LAMA2: variants seen among roughly 807,000 people sequenced by gnomAD.
LAMA2 encodes the protein laminin subunit alpha 2.
A neutral mutation model predicts 364.8 loss-of-function variants in LAMA2; 269 were observed. That is an observed-to-expected ratio of 0.74 (90% confidence interval 0.67 to 0.82). LAMA2 has a LOEUF of 0.82. Ranked by LOEUF, LAMA2 falls within the 40% of genes least tolerant of loss-of-function variation. LAMA2 has a pLI of 0.00. For synonymous variants in LAMA2, 1,379 were observed against 1,370.6 expected (o/e 1.01, Z -0.14); for missense variants, 3,807 against 3,873.2 (o/e 0.98, Z 0.45).
intron 27 of LAMA2, among the ~76,000 whole-genome samples, chr6:129,319,842 A>G (rs988937468): frequency 6.6e-6 from 1 of 152,144 alleles, no homozygotes; most frequent in Non-Finnish European, 1.5e-5. Context: ...TTATTAAGAA[A>G]GTAATAAGGG....
At chr6:129,372,012 A>G (rs1282611953) in intron 34 of LAMA2, among the ~76,000 whole-genome samples, 15 of 152,046 alleles carry the variant, frequency 9.9e-5, no homozygotes. Context: ...AACAGACTTT[A>G]TTTTTTAGAA....
At chr6:129,307,631 A>G (rs1361101342) in intron 22 of LAMA2, among the ~76,000 whole-genome samples, 1 of 152,126 alleles carries the variant, frequency 6.6e-6, no homozygotes, top group African/African-American at 2.4e-5. Flanking sequence ...ATAATTCAAT[A>G]TCTAAAAACA....
intron 1 of LAMA2, among the ~76,000 whole-genome samples, chr6:129,045,621 G>A (rs1582931393): frequency 6.6e-6 from 1 of 152,278 alleles, no homozygotes; most frequent in East Asian, 1.9e-4. Context: ...CAGAATCAAT[G>A]TTTCTTGTAC....
intron 1 of LAMA2, among the ~76,000 whole-genome samples, chr6:128,972,463 G>A (rs922656399): frequency 1.3e-5 from 2 of 152,178 alleles, no homozygotes; most frequent in African/African-American, 4.8e-5. Flanking sequence ...ATATGAAGAA[G>A]CAATGAACAC....
chr6:129,050,013 G>T lies in LAMA2; in HGVS notation c.208G>T (p.Val70Leu), dbSNP rs1787880910. ...AGGACCTGAAATGTACTGCAAATTG[G>T]TAGAACATGTCCCTGGGCAGCCTGT... ...EKGPEMYCKL[V>L]EHVPGQPVRN... Residue 70 changes from valine to leucine, a missense_variant, in exon 2 of 65, where the codon GTA becomes TTA. Val to Leu is a conservative substitution (Grantham distance 32, BLOSUM62 1). Around this residue, in one of 3 missense-constraint regions of LAMA2, gnomAD observed 394 missense variants for 403.5 expected, o/e 0.98. Coordinates refer to ENST00000421865, the MANE Select transcript of LAMA2 (RefSeq NM_000426.4). The T allele has an allele frequency of 1.2e-6, 2 of 1,614,076 alleles. No individual in the cohort carries two copies. Among genetic ancestry groups the T allele is most frequent in the Non-Finnish European group, 1.7e-6 (2 of 1,179,994 alleles).
At chr6:129,225,052 T>A (rs969741546) in intron 12 of LAMA2, among the ~76,000 whole-genome samples, 1 of 152,208 alleles carries the variant, frequency 6.6e-6, no homozygotes, top group Non-Finnish European at 1.5e-5. Context: ...TCTTCCTTGT[T>A]TAGTATTGGG....
At chr6:129,481,168 T>C in intron 54 of LAMA2, 95 bp from the exon 55 acceptor site, 1 of 925,910 alleles carries the variant, frequency 1.1e-6, no homozygotes, top group South Asian at 1.3e-5. Context: ...TATTTCATAA[T>C]CACATTAATT....
At chr6:129,483,549 A>C (rs1784456094) in intron 55 of LAMA2, among the ~76,000 whole-genome samples, 1 of 152,198 alleles carries the variant, frequency 6.6e-6, no homozygotes, top group South Asian at 2.1e-4. Flanking sequence ...CTCAATATTA[A>C]AAATATGTCA....
In LAMA2 at chr6:129,427,833, A is replaced by T; in HGVS notation, c.5947A>T (p.Lys1983Ter). 1 of 1,612,710 alleles carries T rather than the reference A, an allele frequency of 6.2e-7. No homozygotes were observed. The highest frequency in any genetic ancestry group is 8.5e-7 in the Non-Finnish European group (1 of 1,178,820). Residue 1983 changes from lysine (K) to a stop codon, truncating the protein, a stop_gained, in exon 41 of 65, where the codon AAG becomes TAG. Coordinates refer to ENST00000421865, the MANE Select transcript of LAMA2 (RefSeq NM_000426.4). LOFTEE classifies it high-confidence loss of function. ...KSFRILNEAKKLANDVKENED... is the reference protein window; with the variant it reads ...KSFRILNEAK ...CTTCAGGATTCTTAACGAAGCCAAGAAGTTAGCAAATGATGTAAAAGGTCA... is the reference window on the plus strand; with the variant it reads ...CTTCAGGATTCTTAACGAAGCCAAGTAGTTAGCAAATGATGTAAAAGGTCA...
At chr6:129,119,001 G>A (rs990664744) in intron 4 of LAMA2, among the ~76,000 whole-genome samples, 3 of 152,112 alleles carry the variant, frequency 2.0e-5, no homozygotes, top group Admixed American at 6.6e-5. Flanking sequence ...ATTGTATAAC[G>A]CAATTATATG....
chr6:129,052,252 C>T (rs112372952), intron 2 of LAMA2, among the ~76,000 whole-genome samples: 3,642 of 150,630 alleles, frequency 0.024, 134 homozygotes, highest in African/African-American at 0.085. Flanking sequence ...TCTCTTGCCT[C>T]AGCCTCCCCA....
intron 7 of LAMA2, among the ~76,000 whole-genome samples, chr6:129,149,852 T>C (rs751846212): frequency 2.0e-5 from 3 of 152,148 alleles, no homozygotes; most frequent in Non-Finnish European, 4.4e-5. Flanking sequence ...TTTTGTTAGG[T>C]ATTATAAGTA....
intron 45 of LAMA2, among the ~76,000 whole-genome samples, chr6:129,448,073 A>C (rs1782480666): frequency 6.6e-6 from 1 of 152,204 alleles, no homozygotes. Context: ...AGATTGCATG[A>C]ACTCAGGAGT....
intron 18 of LAMA2, among the ~76,000 whole-genome samples, chr6:129,284,120 C>T (rs1013794802): frequency 4.6e-5 from 7 of 152,052 alleles, no homozygotes; most frequent in African/African-American, 1.7e-4. Flanking sequence ...TAAAAGGCAC[C>T]ATGTGAGCAG....
rs2114697589 is a variant in LAMA2 at position 129,403,830 on chromosome 6, T to C, written c.5736T>C (p.Asp1912=). The C allele has an allele frequency of 6.2e-7, 1 of 1,613,536 alleles. No individual in the cohort carries two copies. The change falls in exon 40 of 65, where the codon GAT becomes GAC. Residue 1912 remains aspartate (D), a synonymous_variant. Coordinates refer to ENST00000421865, the MANE Select transcript of LAMA2 (RefSeq NM_000426.4). Reference sequence around the variant, plus strand: ...TGAATCATCCCACCAGAATCCTTGATGAGGCTAAAAACATCTCCTTCAATG... The same window carrying C: ...TGAATCATCCCACCAGAATCCTTGACGAGGCTAAAAACATCTCCTTCAATG... ...DSSAVLDGIL[D]EAKNISFNAT...
At chr6:129,300,313 CT>C (rs1296858920) in intron 21 of LAMA2, among the ~76,000 whole-genome samples, 1 of 152,128 alleles carries the variant, frequency 6.6e-6, no homozygotes, top group African/African-American at 2.4e-5. Context: ...TTGGTTTTTA[CT>C]GCAGATCGGG....
At chr6:129,149,988 C>T (rs1030507136) in intron 7 of LAMA2, among the ~76,000 whole-genome samples, 3 of 151,990 alleles carry the variant, frequency 2.0e-5, no homozygotes, top group Non-Finnish European at 4.4e-5. Context: ...GGAACCATTC[C>T]CATGGATATT....
At chr6:129,289,816 G>T (rs1016825164) in intron 19 of LAMA2, among the ~76,000 whole-genome samples, 1 of 152,028 alleles carries the variant, frequency 6.6e-6, no homozygotes, top group African/African-American at 2.4e-5. Context: ...ACTACTTGCC[G>T]TGAGTATAGA....
At chr6:129,250,020 A>C in intron 12 of LAMA2, 92 bp from the exon 13 acceptor site, 1 of 822,908 alleles carries the variant, frequency 1.2e-6, no homozygotes, top group Non-Finnish European at 2.1e-6. Flanking sequence ...ACTGCCCTAT[A>C]GAACAATAAA....
Sources: allele counts gnomAD v4.1 joint callset (sites outside exome capture counted in the v4.1 genomes callset), GRCh38; gene constraint gnomAD v4.1.1; regional missense constraint gnomAD v4.1.1; transcripts MANE v1.5; gene names NCBI Gene and HGNC (gene_info 2026-07-23, HGNC 2026-07-21).